The following RANBP2 variants were observed in gnomAD, a reference collection of about 807,000 sequenced individuals.
RANBP2 encodes the protein E3 SUMO-protein ligase RanBP2.
A neutral mutation model predicts 303.6 loss-of-function variants in RANBP2; 57 were observed. The ratio of observed to expected loss-of-function variants is 0.19; its 90% confidence interval spans 0.15 to 0.23. The LOEUF is 0.23. Ranked by LOEUF, RANBP2 falls within the 10% of genes least tolerant of loss-of-function variation. The pLI is 1.00. For missense variants in RANBP2, 3,138 were observed against 3,780.8 expected (o/e 0.83, Z 4.46); for synonymous variants, 1,167 against 1,301.5 (o/e 0.90, Z 2.23).
At chr2:109,177,972 A>G in the RANBP2 span, among the ~76,000 whole-genome samples, 2 of 152,250 alleles carry the variant, frequency 1.3e-5, no homozygotes, top group African/African-American at 4.8e-5. Flanking sequence ...TTCCCAAATC[A>G]TCTAACATAA....
the RANBP2 span, among the ~76,000 whole-genome samples, chr2:109,519,468 G>A: frequency 1.9e-4 from 29 of 152,248 alleles, no homozygotes; most frequent in Non-Finnish European, 1.8e-4. Context: ...TAGGAACATT[G>A]ACCTGTATGT....
the RANBP2 span, among the ~76,000 whole-genome samples, chr2:109,575,582 G>A: frequency 6.6e-6 from 1 of 152,158 alleles, no homozygotes; most frequent in African/African-American, 2.4e-5. Flanking sequence ...TGCTAATGCT[G>A]TTCCAAGAAT....
the RANBP2 span, among the ~76,000 whole-genome samples, chr2:109,486,644 G>A: frequency 1.3e-5 from 2 of 152,332 alleles, no homozygotes; most frequent in South Asian, 4.1e-4. Flanking sequence ...ACAAAACGCA[G>A]GTGGTGGGGA....
the RANBP2 span, among the ~76,000 whole-genome samples, chr2:109,352,550 A>G: frequency 3.9e-5 from 6 of 152,290 alleles, no homozygotes; most frequent in East Asian, 1.9e-4. Flanking sequence ...CGATGAGGAA[A>G]CTTTAGCTTT....
At chr2:109,409,836 T>A in the RANBP2 span, among the ~76,000 whole-genome samples, 1 of 152,080 alleles carries the variant, frequency 6.6e-6, no homozygotes, top group Non-Finnish European at 1.5e-5. Flanking sequence ...AGGGTCTGAT[T>A]TACACCCCGT....
the RANBP2 span, among the ~76,000 whole-genome samples, chr2:109,340,255 G>A: frequency 6.6e-6 from 1 of 152,270 alleles, no homozygotes; most frequent in African/African-American, 2.4e-5. Flanking sequence ...TATCGGTAAA[G>A]TGCAGATAAT....
the RANBP2 span, among the ~76,000 whole-genome samples, chr2:109,258,732 C>G: frequency 6.6e-6 from 1 of 152,238 alleles, no homozygotes; most frequent in Non-Finnish European, 1.5e-5. Context: ...GTTATTCAGA[C>G]ATATAATACG....
the RANBP2 span, among the ~76,000 whole-genome samples, chr2:109,571,667 T>C: frequency 2.6e-5 from 4 of 152,218 alleles, no homozygotes; most frequent in Non-Finnish European, 4.4e-5. Flanking sequence ...TGCAAGACTG[T>C]CCTACACTAT....
the RANBP2 span, among the ~76,000 whole-genome samples, chr2:109,375,988 C>A: frequency 6.6e-6 from 1 of 152,250 alleles, no homozygotes; most frequent in Admixed American, 6.5e-5. Context: ...CTCAGTTTCC[C>A]CCTTCAAACA....
chr2:109,500,541 G>A, the RANBP2 span, among the ~76,000 whole-genome samples: 2 of 152,206 alleles, frequency 1.3e-5, no homozygotes, highest in African/African-American at 2.4e-5. Context: ...CCCAAGTCTT[G>A]TGGAAATGAG....
chr2:109,078,082 A>ATT, the RANBP2 span, among the ~76,000 whole-genome samples: 5 of 8,006 alleles, frequency 6.2e-4, no homozygotes, highest in South Asian at 0.017. Flanking sequence ...AGATGAATAT[A>ATT]TATATATATA....
the RANBP2 span, among the ~76,000 whole-genome samples, chr2:109,493,280 C>T: frequency 3.0e-5 from 4 of 134,800 alleles, no homozygotes; most frequent in African/African-American, 1.1e-4. Flanking sequence ...CCACGTACAC[C>T]ATAGAAACAC....
the RANBP2 span, among the ~76,000 whole-genome samples, chr2:108,954,573 CT>C: frequency 6.6e-6 from 1 of 152,180 alleles, no homozygotes; most frequent in Admixed American, 6.5e-5. Context: ...CCACCCAGCC[CT>C]GTGCCTGGTA....
the RANBP2 span, among the ~76,000 whole-genome samples, chr2:109,196,571 C>A: frequency 3.3e-5 from 5 of 152,300 alleles, no homozygotes; most frequent in East Asian, 5.8e-4. Flanking sequence ...GCAAGAGTGG[C>A]CCTACATCAT....
chr2:109,342,185 C>T, the RANBP2 span, among the ~76,000 whole-genome samples: 1 of 152,226 alleles, frequency 6.6e-6, no homozygotes, highest in Non-Finnish European at 1.5e-5. Context: ...CCCCACTTCT[C>T]ATCAGCCATA....
intron 15 of RANBP2, among the ~76,000 whole-genome samples, 189 bp from the exon 16 acceptor site, chr2:108,754,715 AT>A (rs1238690087): frequency 6.4e-5 from 9 of 140,516 alleles, no homozygotes; most frequent in African/African-American, 2.2e-4. Context: ...AAGGCAAAAA[AT>A]AATAATAATA....
At chr2:109,022,583 G>C in the RANBP2 span, among the ~76,000 whole-genome samples, 1 of 152,148 alleles carries the variant, frequency 6.6e-6, no homozygotes, top group African/African-American at 2.4e-5. Context: ...TGGAATAATA[G>C]ACACTGGAGA....
the RANBP2 span, among the ~76,000 whole-genome samples, chr2:108,891,280 G>A: frequency 3.2e-4 from 49 of 152,262 alleles, 1 homozygote; most frequent in South Asian, 7.7e-3. Context: ...TGCACATCTG[G>A]TGTAACTGTT....
At chr2:108,965,337 T>C in the RANBP2 span, among the ~76,000 whole-genome samples, 2 of 151,426 alleles carry the variant, frequency 1.3e-5, no homozygotes, top group Non-Finnish European at 2.9e-5. Flanking sequence ...CAAAATTAGC[T>C]GGGCGTGGTG....
Sources: gnomAD v4.1 joint callset for allele counts (sites outside exome capture counted in the v4.1 genomes callset) on GRCh38, gnomAD v4.1.1 for gene constraint, MANE v1.5 for transcripts, NCBI Gene and HGNC (gene_info 2026-07-23, HGNC 2026-07-21) for gene names.